The following CNGB3 variants were observed in gnomAD, a reference collection of about 807,000 sequenced individuals.
CNGB3 encodes cyclic nucleotide-gated channel beta-3.
In CNGB3, 86 loss-of-function variants were observed where a neutral mutation model predicts 92.8. That is an observed-to-expected ratio of 0.93 (90% CI 0.78 to 1.11). The LOEUF is 1.11. Among genes scored for constraint, CNGB3 ranks in the 50% least tolerant of loss-of-function variants. The pLI, the probability that CNGB3 is intolerant of heterozygous loss-of-function variation, is 0.00. For missense variants in CNGB3, 1,026 were observed against 956.8 expected (o/e 1.07, Z -0.95); for synonymous variants, 333 against 332.7 (o/e 1.00, Z -0.01).
At chr8:86,608,328 C>A (rs1313550086) in intron 14 of CNGB3, among the ~76,000 whole-genome samples, 1 of 152,224 alleles carries the variant, frequency 6.6e-6, no homozygotes, top group Non-Finnish European at 1.5e-5. Flanking sequence ...CCAGACAGGG[C>A]CACCAGAAGG....
At chr8:86,618,519 TC>T (rs34029215) in intron 13 of CNGB3, among the ~76,000 whole-genome samples, 28,735 of 152,092 alleles carry the variant, frequency 0.19, 3,220 homozygotes, top group Admixed American at 0.35. Flanking sequence ...GTATCTCCCC[TC>T]CCTATCGGAG....
At position 86,578,792 on chromosome 8, in the gene CNGB3, G is replaced by A; in HGVS notation, c.2000C>T (p.Pro667Leu). ...PPRKDLALLF[P>L]PKEETPKLFK... ...CAGTTTGGGTGTCTCTTCTTTCGGT[G>A]GGAAGAGGAGGGCAAGATCTTTTCT... The change falls in exon 17 of 18, where the codon CCA becomes CTA. Residue 667 changes from proline to leucine, a missense_variant. Physicochemically the swap from Pro to Leu is moderately conservative, Grantham distance 98. Transcript: ENST00000320005. 6.2e-7 allele frequency: 1 copy of A among 1,614,126 alleles called. No individual in the cohort carries two copies. Among genetic ancestry groups the A allele is most frequent in the Non-Finnish European group, 8.5e-7 (1 of 1,180,008 alleles).
chr8:86,628,762 G>GA lies in CNGB3; in HGVS notation c.1480+156dup, dbSNP rs35103848. Among the ~76,000 whole-genome samples the GA allele has an allele frequency of 2.6e-3, 373 of 145,436 alleles. 1 individual carries two copies. Among genetic ancestry groups the GA allele is most frequent in the Middle Eastern group, 0.011 (3 of 276 alleles). ...AACCAGTAAGATATTTATATTTCAG[G>GA]AAAAAAAAAAAACCTGTAGCATTAA... On this transcript the variant is annotated intron_variant, in intron 12 of 17. Coordinates refer to ENST00000320005, the MANE Select transcript of CNGB3 (RefSeq NM_019098.5).
At chr8:86,673,423 G>A (rs1270690935) in intron 3 of CNGB3, among the ~76,000 whole-genome samples, 1 of 152,162 alleles carries the variant, frequency 6.6e-6, no homozygotes, top group Non-Finnish European at 1.5e-5. Context: ...ATGTGTGTGT[G>A]TGTAGGGGGC....
chr8:86,621,708 C>T (rs963691291), intron 13 of CNGB3, among the ~76,000 whole-genome samples: 1 of 152,136 alleles, frequency 6.6e-6, no homozygotes, highest in African/African-American at 2.4e-5. Flanking sequence ...CATAGCTTAG[C>T]TCCCACTTAT....
intron 6 of CNGB3, chr8:86,658,244 C>T: frequency 1.8e-6 from 1 of 548,110 alleles, no homozygotes; most frequent in Non-Finnish European, 3.4e-6. Flanking sequence ...ATGCCTGCTC[C>T]TCCTCGGCAC....
At chr8:86,684,124 T>C (rs901285317) in intron 3 of CNGB3, among the ~76,000 whole-genome samples, 3 of 152,106 alleles carry the variant, frequency 2.0e-5, no homozygotes, top group African/African-American at 4.8e-5. Flanking sequence ...ATCTAGGATA[T>C]AAAGAATTCT....
At chr8:86,604,066 A>G (rs1164224304) in intron 15 of CNGB3, 27 bp downstream of exon 15, 1 of 1,406,576 alleles carries the variant, frequency 7.1e-7, no homozygotes, top group Non-Finnish European at 1.0e-6. Flanking sequence ...GATGGACTTC[A>G]ATATTTATGA....
At chr8:86,606,146 G>GTTTTTTTTT (rs34987710) in intron 14 of CNGB3, among the ~76,000 whole-genome samples, 1 of 91,986 alleles carries the variant, frequency 1.1e-5, no homozygotes, top group African/African-American at 3.7e-5. Flanking sequence ...TTTGGGGTTG[G>GTTTTTTTTT]TTTTTTTTTT....
intron 3 of CNGB3, among the ~76,000 whole-genome samples, 186 bp downstream of exon 3, chr8:86,726,345 G>C (rs1825059368): frequency 6.6e-6 from 1 of 152,166 alleles, no homozygotes; most frequent in Non-Finnish European, 1.5e-5. Flanking sequence ...GCCATGCTGG[G>C]CCAGTGAGGT....
chr8:86,613,680 A>C (rs1822561057), intron 13 of CNGB3, among the ~76,000 whole-genome samples: 1 of 151,868 alleles, frequency 6.6e-6, no homozygotes, highest in Admixed American at 6.6e-5. Context: ...CATATAAATA[A>C]TTTTAATTTT....
intron 6 of CNGB3, chr8:86,659,112 G>A (rs1823577998): frequency 1.4e-6 from 1 of 731,262 alleles, no homozygotes. Context: ...CCTCAGTTTG[G>A]CCAAGCTGGT....
intron 3 of CNGB3, among the ~76,000 whole-genome samples, chr8:86,681,752 A>C (rs967235760): frequency 6.6e-6 from 1 of 152,230 alleles, no homozygotes; most frequent in Admixed American, 6.5e-5. Context: ...TAAAAACATT[A>C]GATTGGCTTC....
chr8:86,620,031 T>C (rs1822694889), intron 13 of CNGB3, among the ~76,000 whole-genome samples: 1 of 152,134 alleles, frequency 6.6e-6, no homozygotes, highest in East Asian at 1.9e-4. Context: ...AGCTTGACTT[T>C]GGACTCTAGT....
In CNGB3 at chr8:86,574,355, C is replaced by G. The variant is rs942480886; in HGVS notation, c.*1449G>C. On this transcript the variant is annotated 3_prime_UTR_variant, in exon 18 of 18. Transcript: ENST00000320005. ...TCACCCTTTTTATACGCAATTCACT[C>G]TTTCTGCATACAAACTCCCATTTAT... 6.6e-6 allele frequency: 1 copy of G among 152,160 alleles called. No individual in the cohort carries two copies. Among genetic ancestry groups the G allele is most frequent in the Non-Finnish European group, 1.5e-5 (1 of 68,038 alleles). 9.4% of individuals were successfully genotyped at this position (152,160 alleles called of 1,614,324 possible).
At chr8:86,677,939 C>A (rs1043772837) in intron 3 of CNGB3, among the ~76,000 whole-genome samples, 1 of 152,096 alleles carries the variant, frequency 6.6e-6, no homozygotes, top group African/African-American at 2.4e-5. Context: ...CTTTTGCAAA[C>A]TTTGCTAGAT....
At position 86,668,031 on chromosome 8, in the gene CNGB3, C is replaced by A; in HGVS notation, c.631G>T (p.Asp211Tyr). Residue 211 changes from aspartate to tyrosine, a missense_variant, in exon 5 of 18, where the codon GAT becomes TAT. By Grantham distance (160) the Asp-to-Tyr change is radical. Transcript: ENST00000320005. ...CCTTTGATAATACCTGTGTATGAAT[C>A]TATGCTGTTTGGAAGTTTAATTCGC... ...LKRIKLPNSI[D>Y]SYTDRLYLLW... The A allele has an allele frequency of 6.2e-7, 1 of 1,614,048 alleles. No homozygotes were observed.
In CNGB3 at chr8:86,577,015, T is replaced by C. The variant is rs185791566; in HGVS notation, c.2104-885A>G. ...GGTCCACAGCTACCCATTTCTACAGTTTTAGAGATAACATAATGACTAGGT... is the reference window on the plus strand; with the variant it reads ...GGTCCACAGCTACCCATTTCTACAGCTTTAGAGATAACATAATGACTAGGT... On this transcript the variant is annotated intron_variant, in intron 17 of 17. Coordinates refer to ENST00000320005, the MANE Select transcript of CNGB3 (RefSeq NM_019098.5). 8.5e-5 allele frequency among the ~76,000 whole-genome samples: 13 copies of C among 152,274 alleles called. No individual in the cohort carries two copies. The East Asian group carries it at 2.5e-3, about 29-fold the overall frequency.
intron 15 of CNGB3, among the ~76,000 whole-genome samples, chr8:86,582,490 C>A (rs1026304963): frequency 6.6e-6 from 1 of 151,880 alleles, no homozygotes; most frequent in Non-Finnish European, 1.5e-5. Context: ...AAGATAAATG[C>A]CAAAAGAAAC....
Sources: gnomAD v4.1 joint callset for allele counts (sites outside exome capture counted in the v4.1 genomes callset) on GRCh38, gnomAD v4.1.1 for gene constraint, MANE v1.5 for transcripts, NCBI Gene and HGNC (gene_info 2026-07-23, HGNC 2026-07-21) for gene names.